Variants in EFCAB12 observed in about 807,000 individuals in gnomAD.
EFCAB12 encodes the protein EF-hand calcium-binding domain-containing protein 12.
EFCAB12 carries 43 observed loss-of-function variants against 53.6 expected under a neutral mutation model. That is an observed-to-expected ratio of 0.80 (90% CI 0.63 to 1.03). The LOEUF (loss-of-function observed/expected upper bound fraction) is 1.03. Among genes scored for constraint, EFCAB12 ranks in the 50% least tolerant of loss-of-function variants. The pLI is 0.00. For synonymous variants in EFCAB12, 269 were observed against 289.2 expected (o/e 0.93, Z 0.71); for missense variants, 646 against 730.6 (o/e 0.88, Z 1.34).
intron 4 of EFCAB12, chr3:129,414,460 C>T (rs972191192): frequency 6.6e-6 from 1 of 152,212 alleles, no homozygotes; most frequent in Non-Finnish European, 1.5e-5. Context: ...TCCTGCCAAC[C>T]TGGTAGATGG....
At position 129,421,629 on chromosome 3, in the gene EFCAB12, G is replaced by A; in HGVS notation, c.224C>T (p.Ser75Phe). Residue 75 changes from serine (S) to phenylalanine (F), a missense_variant, in exon 2 of 9, where the codon TCC (serine) becomes TTC (phenylalanine). Coordinates refer to ENST00000505956, the MANE Select transcript of EFCAB12 (RefSeq NM_207307.3). ...GGGCTTTGGGGGAGCCTGAGGTTGG[G>A]ATGCAGGATTAAGGGGTGTCTGATC... Reference protein sequence around the residue: ...KEDQTPLNPASQPQAPPKPIP... With the variant: ...KEDQTPLNPAFQPQAPPKPIP... The A allele has an allele frequency of 1.2e-6, 2 of 1,613,982 alleles. No homozygotes were observed. The highest frequency in any genetic ancestry group is 2.2e-5 in the South Asian group (2 of 91,088).
chr3:129,425,962 A>G (rs2072265529), intron 1 of EFCAB12, among the ~76,000 whole-genome samples: 1 of 152,112 alleles, frequency 6.6e-6, no homozygotes, highest in African/African-American at 2.4e-5. Flanking sequence ...TGGACTTTCT[A>G]CCCTTTGGTT....
chr3:129,425,616 C>T (rs964557133), intron 1 of EFCAB12, among the ~76,000 whole-genome samples: 2 of 152,214 alleles, frequency 1.3e-5, no homozygotes, highest in African/African-American at 2.4e-5. Context: ...TGCCTGCCCA[C>T]CAAACCTCCT....
At chr3:129,421,241 C>T (rs947295968) in intron 2 of EFCAB12, 126 bp downstream of exon 2, 14 of 1,123,078 alleles carry the variant, frequency 1.2e-5, no homozygotes, top group Non-Finnish European at 1.6e-5. Flanking sequence ...ACCTCCCTCT[C>T]AAGACTTCTG....
intron 3 of EFCAB12, 136 bp from the exon 4 acceptor site, chr3:129,415,537 G>A (rs1250962330): frequency 1.8e-6 from 2 of 1,083,294 alleles, no homozygotes; most frequent in African/African-American, 1.6e-5. Context: ...CTATACCCAA[G>A]GTCCCTGCTG....
At chr3:129,415,164 G>T in intron 4 of EFCAB12, 81 bp downstream of exon 4, 2 of 1,452,698 alleles carry the variant, frequency 1.4e-6, no homozygotes, top group Non-Finnish European at 9.1e-7. Flanking sequence ...AAGTGAGTTT[G>T]GAGGAGAGGC....
In EFCAB12 at chr3:129,417,341, C is replaced by CAAAA. The variant is rs1236887523; in HGVS notation, c.681+909_681+912dup. Among the ~76,000 whole-genome samples the CAAAA allele has an allele frequency of 5.1e-3, 324 of 63,616 alleles. 3 individuals carry two copies. The highest frequency in any genetic ancestry group is 7.3e-3 in the Non-Finnish European group (197 of 26,824). 41.7% of individuals were successfully genotyped at this position (63,616 alleles called of 152,430 possible). A position where few individuals can be genotyped will look rare whatever the true frequency, so the allele number is the denominator to read the frequency against. On this transcript the variant is annotated intron_variant, in intron 3 of 8. Transcript: ENST00000505956. ...TCTGCCTCAAAAAAAAAAAAAAAAC[C>CAAAA]AAAAAAAAAAAACCCAAAACCAAAA...
chr3:129,406,745 C>T (rs552124296), intron 6 of EFCAB12, among the ~76,000 whole-genome samples: 21 of 152,268 alleles, frequency 1.4e-4, no homozygotes. Flanking sequence ...TCAAGCAATC[C>T]ACCCACCTCG....
At chr3:129,428,341 T>C in intron 1 of EFCAB12, 99 bp downstream of exon 1, 1 of 1,493,462 alleles carries the variant, frequency 6.7e-7, no homozygotes, top group Non-Finnish European at 9.1e-7. Context: ...CCAGAGGGGG[T>C]CGGCACAATA....
chr3:129,402,633 G>A lies in EFCAB12; in HGVS notation c.1404-54C>T. On this transcript the variant is annotated intron_variant, in intron 7 of 8. Transcript: ENST00000505956. ...AGGAGAGTGGAAATCCAGGCCAATGGGGCTTTAGGGAGTAGGTCAGGGCCG... is the reference window on the plus strand; with the variant it reads ...AGGAGAGTGGAAATCCAGGCCAATGAGGCTTTAGGGAGTAGGTCAGGGCCG... The A allele has an allele frequency of 1.7e-5, 26 of 1,567,308 alleles. No individual in the cohort carries two copies. The South Asian group carries it at 2.9e-4, about 17-fold the overall frequency.
chr3:129,410,494 T>A (rs929681133), intron 5 of EFCAB12, among the ~76,000 whole-genome samples: 2 of 152,070 alleles, frequency 1.3e-5, no homozygotes, highest in African/African-American at 4.8e-5. Context: ...CTTTCTAAAT[T>A]TTTTGTAGAG....
chr3:129,425,220 A>G lies in EFCAB12; in HGVS notation c.49+3220T>C, dbSNP rs1208668996. Among the ~76,000 whole-genome samples the G allele has an allele frequency of 2.6e-5, 4 of 152,196 alleles. No individual in the cohort carries two copies. In the East Asian group the frequency reaches 7.7e-4, roughly 29 times the overall value. ...CATTTGGGTCCTCCCTAGACCCCCA[A>G]TCCATGTTCTGCCCTCAGCCAGGAG... On this transcript the variant is annotated intron_variant, in intron 1 of 8. Transcript: ENST00000505956.
chr3:129,418,044 G>A (rs974318235), intron 3 of EFCAB12, among the ~76,000 whole-genome samples: 10 of 152,152 alleles, frequency 6.6e-5, no homozygotes, highest in Admixed American at 6.5e-5. Context: ...AGACTGGTGC[G>A]GGGCAGATAT....
At chr3:129,404,493 T>C in intron 6 of EFCAB12, 90 bp from the exon 7 acceptor site, 1 of 1,370,000 alleles carries the variant, frequency 7.3e-7, no homozygotes, top group Non-Finnish European at 9.5e-7. Context: ...TGTTTTTTTT[T>C]TTTTTAATTC....
At chr3:129,402,421 G>T in intron 8 of EFCAB12, 102 bp downstream of exon 8, 3 of 1,306,968 alleles carry the variant, frequency 2.3e-6, no homozygotes, top group Non-Finnish European at 3.2e-6. Flanking sequence ...AGGGCACCGA[G>T]CCCCAGCTGT....
intron 2 of EFCAB12, 139 bp downstream of exon 2, chr3:129,421,228 T>TA: frequency 1.0e-6 from 1 of 952,502 alleles, no homozygotes; most frequent in Non-Finnish European, 1.5e-6. Context: ...AGACAACTAA[T>TA]ACACCTCCCT....
intron 1 of EFCAB12, among the ~76,000 whole-genome samples, chr3:129,422,882 C>G (rs1479093393): frequency 6.6e-6 from 1 of 152,086 alleles, no homozygotes; most frequent in Non-Finnish European, 1.5e-5. Flanking sequence ...GCCTTTGAGA[C>G]CCCTGGTGCA....
In EFCAB12 at chr3:129,401,615, G is replaced by T; in HGVS notation, c.1697C>A (p.Ala566Asp). 6.4e-7 allele frequency: 1 copy of T among 1,562,798 alleles called. No homozygotes were observed. Among genetic ancestry groups the T allele is most frequent in the Non-Finnish European group, 8.7e-7 (1 of 1,150,816 alleles). The change falls in exon 9 of 9, where the codon GCC becomes GAC. Residue 566 changes from alanine (A) to aspartate (D), a missense_variant. Coordinates refer to ENST00000505956, the MANE Select transcript of EFCAB12 (RefSeq NM_207307.3). The stretch of plus-strand genomic sequence containing the variant: ...GCTCTAGTTGATGTAGTACACCTTG[G>T]CGGCATCATAATGGGCGTGGGTCAT... The part of the protein sequence containing the change: ...NYMTHAHYDA[A>D]KVYYIN
chr3:129,402,877 G>A lies in EFCAB12; in HGVS notation c.1404-298C>T, dbSNP rs137975327. ...TGGTCCAGAATAGAGACCTCTCAGG[G>A]TAGTTACGAGGGAGGCTCAGTAAGT... On this transcript the variant is annotated intron_variant, in intron 7 of 8. Transcript: ENST00000505956. 48 of 317,466 alleles carry A rather than the reference G, an allele frequency of 1.5e-4. No homozygotes were observed. In the East Asian group the frequency reaches 3.4e-3, roughly 22 times the overall value. 19.7% of individuals were successfully genotyped at this position (317,466 alleles called of 1,614,324 possible).
Sources: gnomAD v4.1 joint callset for allele counts (sites outside exome capture counted in the v4.1 genomes callset) on GRCh38, gnomAD v4.1.1 for gene constraint, MANE v1.5 for transcripts, NCBI Gene and HGNC (gene_info 2026-07-23, HGNC 2026-07-21) for gene names.